Variants in LIPT1 observed in about 807,000 individuals in gnomAD.
The protein encoded by LIPT1 is lipoyl amidotransferase LIPT1, mitochondrial.
Under a neutral mutation model 25.1 loss-of-function variants are expected in LIPT1, and 22 were observed. The ratio of observed to expected loss-of-function variants is 0.88; its 90% CI spans 0.63 to 1.25. The LOEUF (loss-of-function observed/expected upper bound fraction) is 1.25, where lower values mean the gene tolerates loss of function less well. Among genes scored for constraint, LIPT1 ranks in the 50% most tolerant of loss-of-function variants. The pLI, the probability that LIPT1 is intolerant of heterozygous loss-of-function variation, is 0.00. For missense variants in LIPT1, 399 were observed against 432.8 expected (o/e 0.92, Z 0.69); for synonymous variants, 131 against 150.8 (o/e 0.87, Z 0.96).
intron 1 of LIPT1, among the ~76,000 whole-genome samples, chr2:99,159,096 T>C (rs1357040271): frequency 6.6e-6 from 1 of 152,062 alleles, no homozygotes; most frequent in Non-Finnish European, 1.5e-5. Flanking sequence ...GCCCGGCTAA[T>C]TTTTTGTATT....
Position 99,162,816 on chromosome 2 carries a change from G to A in LIPT1, c.859G>A (p.Val287Met). Residue 287 changes from valine to methionine, a missense_variant, in exon 2 of 2, where the codon GTG (valine) becomes ATG (methionine). Coordinates refer to ENST00000651691, the MANE Select transcript of LIPT1 (RefSeq NM_145199.3). ...GTTTAGTATAAATACTTCCTTTCAT[G>A]TGTTATATGAACAGTCACACTTGGA... ...PKFSINTSFH[V>M]LYEQSHLEIK... 1 of 1,613,950 alleles carries A rather than the reference G, an allele frequency of 6.2e-7. No homozygotes were observed. Among genetic ancestry groups the A allele is most frequent in the Non-Finnish European group, 8.5e-7 (1 of 1,179,860 alleles).
intron 1 of LIPT1, chr2:99,155,271 T>C: frequency 5.5e-6 from 2 of 365,162 alleles, no homozygotes; most frequent in Non-Finnish European, 1.1e-5. Flanking sequence ...GGAGGGAGGG[T>C]AAATATCGTA....
chr2:99,155,086 T>G, intron 1 of LIPT1, 35 bp downstream of exon 1: 1 of 454,572 alleles, frequency 2.2e-6, no homozygotes, highest in Non-Finnish European at 4.4e-6. Context: ...ACCGGGATGT[T>G]GCGGGCCGTA....
In LIPT1 at chr2:99,162,508, C is replaced by T; in HGVS notation, c.551C>T (p.Thr184Ile). 2 of 1,614,140 alleles carry T rather than the reference C, an allele frequency of 1.2e-6. No homozygotes were observed. The highest frequency in any genetic ancestry group is 1.7e-6 in the Non-Finnish European group (2 of 1,180,010). ...CACCATTGCACTTTATTATGTAGTA[C>T]TGATGGGACGTTCTTGTCTTCTTTG... ...AYHHCTLLCSTDGTFLSSLLK... is the reference protein window; with the variant it reads ...AYHHCTLLCSIDGTFLSSLLK... Residue 184 changes from threonine to isoleucine, a missense_variant, in exon 2 of 2, where the codon ACT (threonine) becomes ATT (isoleucine). Physicochemically the swap from Thr to Ile is moderately conservative, Grantham distance 89 (BLOSUM62 -1). Transcript: ENST00000651691.
chr2:99,155,397 A>G (rs2093741185), intron 1 of LIPT1: 4 of 436,504 alleles, frequency 9.2e-6, no homozygotes, highest in South Asian at 4.8e-5. Flanking sequence ...GAGAGGGGAC[A>G]AAATAATAGG....
Position 99,162,169 on chromosome 2 carries a change from C to G in LIPT1, c.212C>G (p.Ser71Cys), listed in dbSNP as rs767568897. 4.3e-6 allele frequency: 7 copies of G among 1,613,978 alleles called. No individual in the cohort carries two copies. In the South Asian group the frequency reaches 7.7e-5, roughly 18 times the overall value. The change falls in exon 2 of 2, where the codon TCT becomes TGT. Residue 71 changes from serine (S) to cysteine (C), a missense_variant. Coordinates refer to ENST00000651691, the MANE Select transcript of LIPT1 (RefSeq NM_145199.3). ...PILFFWQNSP[S>C]VVIGRHQNPW... is the part of the protein sequence containing the mutation. ...CTATTCTTTTGGCAGAATTCTCCCT[C>G]TGTTGTAATTGGTAGGCATCAAAAT...
chr2:99,162,907 A>G lies in LIPT1; in HGVS notation c.950A>G (p.His317Arg), dbSNP rs2093808404. 1.9e-6 allele frequency: 3 copies of G among 1,613,454 alleles called. No homozygotes were observed. The highest frequency in any genetic ancestry group is 2.5e-6 in the Non-Finnish European group (3 of 1,179,782). The change falls in exon 2 of 2, where the codon CAT (histidine) becomes CGT (arginine). Residue 317 changes from histidine to arginine, a missense_variant. By Grantham distance (29) the His-to-Arg change is conservative. Coordinates refer to ENST00000651691, the MANE Select transcript of LIPT1 (RefSeq NM_145199.3). Reference protein sequence around the residue: ...IEICNIEAPDHWLPLEIRDKL... With the variant: ...IEICNIEAPDRWLPLEIRDKL... The stretch of plus-strand genomic sequence containing the variant: ...ATTTGTAATATTGAAGCACCTGATC[A>G]TTGGTTGCCATTGGAAATACGTGAC...
At chr2:99,161,426 GTTAA>G (rs2093791874) in intron 1 of LIPT1, 1 of 147,530 alleles carries the variant, frequency 6.8e-6, no homozygotes, top group East Asian at 2.0e-4. Flanking sequence ...ACACCAAAAT[GTTAA>G]TTGTGATTAG....
At position 99,162,128 on chromosome 2, in the gene LIPT1, A is replaced by G. The variant is rs2093798207; in HGVS notation, c.171A>G (p.Leu57=). The change falls in exon 2 of 2, where the codon CTA becomes CTG. Residue 57 remains leucine (L), a synonymous_variant. Coordinates refer to ENST00000651691, the MANE Select transcript of LIPT1 (RefSeq NM_145199.3). ...VEDWIHDHMN[L]EGKPILFFWQ... Reference sequence around the variant, plus strand: ...ACTGGATCCATGACCATATGAATCTAGAAGGCAAACCAATTCTATTCTTTT... The same window carrying G: ...ACTGGATCCATGACCATATGAATCTGGAAGGCAAACCAATTCTATTCTTTT... 10 of 1,614,076 alleles carry G rather than the reference A, an allele frequency of 6.2e-6. No homozygotes were observed. The highest frequency in any genetic ancestry group is 1.3e-5 in the African/African-American group (1 of 74,946).
intron 1 of LIPT1, chr2:99,161,307 T>A (rs1574809374): frequency 1.3e-4 from 6 of 45,426 alleles, no homozygotes; most frequent in South Asian, 8.7e-4. Context: ...TATATATATA[T>A]ATATATATAT....
chr2:99,160,664 T>C (rs1319390381), intron 1 of LIPT1, among the ~76,000 whole-genome samples: 1 of 152,190 alleles, frequency 6.6e-6, no homozygotes, highest in Non-Finnish European at 1.5e-5. Context: ...ACATAGTGAA[T>C]TTATTCTTAG....
In LIPT1 at chr2:99,163,103, G is replaced by T. The variant is rs777330906; in HGVS notation, c.*24G>T. On this transcript the variant is annotated 3_prime_UTR_variant, in exon 2 of 2. Transcript: ENST00000651691. Reference sequence around the variant, plus strand: ...GATTCCAAGTAAATGTCTTAATACAGTTTCAATTAGAAAATAAAATGTCTC... The same window carrying T: ...GATTCCAAGTAAATGTCTTAATACATTTTCAATTAGAAAATAAAATGTCTC... 1.0e-4 allele frequency: 135 copies of T among 1,355,714 alleles called. No homozygotes were observed. Among genetic ancestry groups the T allele is most frequent in the Non-Finnish European group, 1.2e-4 (120 of 1,031,208 alleles). The allele number at this position is 1,355,714 out of a possible 1,614,324, so 84.0% of individuals were successfully genotyped here. A position where few individuals can be genotyped will look rare whatever the true frequency, so the allele number is the denominator to read the frequency against.
chr2:99,158,429 CAAAAAAAAAA>C (rs753259893), intron 1 of LIPT1, among the ~76,000 whole-genome samples: 4 of 96,606 alleles, frequency 4.1e-5, no homozygotes, highest in East Asian at 3.1e-4. Context: ...TTCATCTCTA[CAAAAAAAAAA>C]AAAAAAAAAA....
At position 99,162,770 on chromosome 2, in the gene LIPT1, G is replaced by A; in HGVS notation, c.813G>A (p.Trp271Ter). The A allele has an allele frequency of 1.2e-6, 2 of 1,614,028 alleles. No homozygotes were observed. Among genetic ancestry groups the A allele is most frequent in the Non-Finnish European group, 1.7e-6 (2 of 1,179,932 alleles). The change falls in exon 2 of 2, where the codon TGG becomes TGA. Residue 271 changes from tryptophan (W) to a stop codon, truncating the protein, a stop_gained. Transcript: ENST00000651691. LOFTEE classifies it high-confidence loss of function. ...CCAAAGAACTGCAAACTTGGGAGTG[G>A]ATATATGGCAAAACTCCAAAGTTTA... is the stretch of plus-strand genomic sequence containing the variant. ...SKAKELQTWE[W>*]IYGKTPKFSI...
At chr2:99,159,821 C>A (rs1019115181) in intron 1 of LIPT1, among the ~76,000 whole-genome samples, 7 of 152,076 alleles carry the variant, frequency 4.6e-5, no homozygotes, top group African/African-American at 1.7e-4. Context: ...AAGTGGAAGT[C>A]GAAGACTAGT....
intron 1 of LIPT1, among the ~76,000 whole-genome samples, chr2:99,157,042 T>G (rs1211789265): frequency 6.6e-6 from 1 of 152,220 alleles, no homozygotes; most frequent in African/African-American, 2.4e-5. Flanking sequence ...CTCTCAACCA[T>G]TTTATGACGT....
In LIPT1 at chr2:99,163,011, T is replaced by C. The variant is rs1212921850; in HGVS notation, c.1054T>C (p.Cys352Arg). ...GCTAACAAATATATTACTTAGAACA[T>C]GTCCACAAGACCACAAACTAAACAG... ...TMLTNILLRT[C>R]PQDHKLNSKW... is the part of the protein sequence containing the mutation. Residue 352 changes from cysteine to arginine, a missense_variant, in exon 2 of 2, where the codon TGT (cysteine) becomes CGT (arginine). Transcript: ENST00000651691. The C allele has an allele frequency of 2.5e-6, 4 of 1,608,260 alleles. No homozygotes were observed. In the South Asian group the frequency reaches 4.4e-5, roughly 18 times the overall value.
intron 1 of LIPT1, among the ~76,000 whole-genome samples, chr2:99,158,474 C>A (rs952444995): frequency 1.3e-5 from 2 of 149,712 alleles, no homozygotes; most frequent in African/African-American, 4.9e-5. Flanking sequence ...GTGGCACATG[C>A]TGGCTAAAGG....
intron 1 of LIPT1, among the ~76,000 whole-genome samples, chr2:99,157,678 T>A (rs1041497585): frequency 1.3e-5 from 2 of 152,190 alleles, no homozygotes; most frequent in African/African-American, 4.8e-5. Flanking sequence ...ATATTTAAAA[T>A]TTTTCTGCCT....
Sources: allele counts gnomAD v4.1 joint callset (sites outside exome capture counted in the v4.1 genomes callset), GRCh38; gene constraint gnomAD v4.1.1; transcripts MANE v1.5; gene names NCBI Gene and HGNC (gene_info 2026-07-23, HGNC 2026-07-21).